The following ZNF548 variants were observed in gnomAD, a reference collection of about 807,000 sequenced individuals.
ZNF548 encodes the protein zinc finger protein 548.
Under a neutral mutation model 10.2 loss-of-function variants are expected in ZNF548, and 10 were observed. The ratio of observed to expected loss-of-function variants is 0.98; its 90% CI spans 0.60 to 1.66. ZNF548 has a LOEUF of 1.66. Among genes scored for constraint, ZNF548 ranks in the 40% most tolerant of loss-of-function variants. The pLI is 0.00. For missense variants in ZNF548, 599 were observed against 657.0 expected, an observed-to-expected ratio of 0.91 and a Z score of 0.97; for synonymous variants, 217 against 223.5, an observed-to-expected ratio of 0.97 and a Z score of 0.26.
intron 2 of ZNF548, 200 bp from the exon 3 acceptor site, chr19:57,396,848 C>A: frequency 2.9e-6 from 2 of 692,146 alleles, no homozygotes; most frequent in Non-Finnish European, 2.3e-6. Context: ...AGTACCTGGC[C>A]CTGGGTTGAT....
intron 2 of ZNF548, 117 bp downstream of exon 2, chr19:57,394,340 C>A: frequency 9.8e-7 from 1 of 1,024,918 alleles, no homozygotes; most frequent in Non-Finnish European, 1.4e-6. Flanking sequence ...GTGGTTTCAC[C>A]AGTTAGTTTC....
intron 1 of ZNF548, chr19:57,392,698 T>G (rs992217115): frequency 1.1e-5 from 9 of 820,074 alleles, no homozygotes; most frequent in Non-Finnish European, 1.3e-5. Context: ...CTTATGTGTC[T>G]ATTTCTATCC....
Position 57,399,828 on chromosome 19 carries a change from T to C in ZNF548, c.1577T>C (p.Leu526Ser), listed in dbSNP as rs1048195300. The C allele has an allele frequency of 9.9e-6, 16 of 1,613,730 alleles. No homozygotes were observed. Among genetic ancestry groups the C allele is most frequent in the African/African-American group, 8.0e-5 (6 of 75,064 alleles). The part of the protein sequence containing the change: ...LVCSMNVGNS[L>S]AKTPTSLNIR... ...TGCTCCATGAATGTGGGGAATTCTT[T>C]AGCTAAAACTCCAACCTCATTAAAC... Residue 526 changes from leucine (L) to serine (S), a missense_variant, in exon 4 of 4, where the codon TTA becomes TCA. Coordinates refer to ENST00000336128, the MANE Select transcript of ZNF548 (RefSeq NM_001172773.2). The surrounding 1 kb of genome is among the most constrained non-coding windows in gnomAD (Gnocchi z 4.0).
At chr19:57,393,010 G>T (rs866894430) in intron 1 of ZNF548, 4 of 982,830 alleles carry the variant, frequency 4.1e-6, no homozygotes, top group Middle Eastern at 1.1e-3. Context: ...GCACCTGCAG[G>T]CTTGGTTGAC....
chr19:57,396,374 TGCTG>T (rs1477669808), intron 2 of ZNF548, among the ~76,000 whole-genome samples: 2 of 152,306 alleles, frequency 1.3e-5, no homozygotes, highest in Admixed American at 1.3e-4. Flanking sequence ...TTCCTCTGTG[TGCTG>T]GACACGGTGG....
intron 2 of ZNF548, 113 bp downstream of exon 2, chr19:57,394,336 T>C: frequency 8.8e-7 from 1 of 1,138,604 alleles, no homozygotes. Flanking sequence ...GTGAGTGGTT[T>C]CACCAGTTAG....
intron 1 of ZNF548, 112 bp downstream of exon 1, chr19:57,390,226 G>T: frequency 7.8e-7 from 1 of 1,289,948 alleles, no homozygotes; most frequent in South Asian, 1.5e-5. Context: ...GCGTTCCTGT[G>T]TGGGGTCCCC....
Position 57,396,007 on chromosome 19 carries a change from A to G in ZNF548, c.52-1041A>G, listed in dbSNP as rs375218238. On this transcript the variant is annotated intron_variant, in intron 2 of 3. Coordinates refer to ENST00000336128, the MANE Select transcript of ZNF548 (RefSeq NM_001172773.2). ...TTGGTGTTCTGGGGCAGGACTGGGA[A>G]TGAATTGGATGCTGAGCGTATTTGC... Among the ~76,000 whole-genome samples, 33 of 152,072 alleles carry G rather than the reference A, an allele frequency of 2.2e-4. No individual in the cohort carries two copies. The East Asian group carries it at 4.3e-3, about 20-fold the overall frequency.
chr19:57,390,712 C>G (rs969226375), intron 1 of ZNF548: 1 of 152,184 alleles, frequency 6.6e-6, no homozygotes, highest in Non-Finnish European at 1.5e-5. Context: ...TCTGTTTGAA[C>G]GTTTGGAAGA....
rs2088717063 is a variant in ZNF548 at position 57,401,580 on chromosome 19, C to A, written c.*1691C>A. On this transcript the variant is annotated 3_prime_UTR_variant, in exon 4 of 4. Coordinates refer to ENST00000336128, the MANE Select transcript of ZNF548 (RefSeq NM_001172773.2). ...TCCTGGAATCAGTCCCCCACAGACA[C>A]CAAGGGATGACTGTAGTGCATTTTA... is the stretch of plus-strand genomic sequence containing the variant. 6.6e-6 allele frequency: 1 copy of A among 151,998 alleles called. No homozygotes were observed. The allele number at this position is 151,998 out of a possible 1,614,324, so 9.4% of individuals were successfully genotyped here. A position where few individuals can be genotyped will look rare whatever the true frequency, so the allele number is the denominator to read the frequency against.
At chr19:57,398,363 T>A in intron 3 of ZNF548, 67 bp from the exon 4 acceptor site, 3 of 1,576,902 alleles carry the variant, frequency 1.9e-6, no homozygotes, top group Non-Finnish European at 2.6e-6. Context: ...CTGACACACA[T>A]TTGTGATGGA....
At chr19:57,391,638 C>T (rs990127262) in intron 1 of ZNF548, among the ~76,000 whole-genome samples, 4 of 152,006 alleles carry the variant, frequency 2.6e-5, no homozygotes, top group African/African-American at 9.7e-5. Context: ...TGTTTTTTGA[C>T]ATTTAAATGA....
intron 1 of ZNF548, among the ~76,000 whole-genome samples, chr19:57,392,096 G>A (rs1291117641): frequency 6.6e-6 from 1 of 152,184 alleles, no homozygotes; most frequent in Non-Finnish European, 1.5e-5. Context: ...ACCGCGCCCA[G>A]CCCTGTGCTT....
At position 57,399,776 on chromosome 19, in the gene ZNF548, A is replaced by C. The variant is rs752520132; in HGVS notation, c.1525A>C (p.Lys509Gln). ...IRKSHLVHHQ[K>Q]IHSEERLVCS... is the part of the protein sequence containing the mutation. ...AAAGTCTCACCTGGTTCATCACCAG[A>C]AAATCCACAGTGAAGAGAGGCTTGT... The change falls in exon 4 of 4, where the codon AAA (lysine) becomes CAA (glutamine). Residue 509 changes from lysine (K) to glutamine (Q), a missense_variant. Transcript: ENST00000336128. The surrounding 1 kb of genome is among the most constrained non-coding windows in gnomAD (Gnocchi z 4.0). 3 of 1,614,150 alleles carry C rather than the reference A, an allele frequency of 1.9e-6. No homozygotes were observed. The highest frequency in any genetic ancestry group is 1.1e-5 in the South Asian group (1 of 91,086).
At position 57,389,911 on chromosome 19, in the gene ZNF548, A is replaced by G. The variant is rs2088609621; in HGVS notation, c.-189A>G. The G allele has an allele frequency of 4.8e-6, 3 of 619,416 alleles. No homozygotes were observed. Among genetic ancestry groups the G allele is most frequent in the East Asian group, 5.9e-5 (2 of 33,962 alleles). The allele number at this position is 619,416 out of a possible 1,614,324, so 38.4% of individuals were successfully genotyped here. A position where few individuals can be genotyped will look rare whatever the true frequency, so the allele number is the denominator to read the frequency against. ...TTTGGTTCTGTGTGGTGTTTCACCAACTTCGGCCTATGGCTCTGTCTGACG... is the reference window on the plus strand; with the variant it reads ...TTTGGTTCTGTGTGGTGTTTCACCAGCTTCGGCCTATGGCTCTGTCTGACG... On this transcript the variant is annotated 5_prime_UTR_variant, in exon 1 of 4. Transcript: ENST00000336128.
Position 57,399,953 on chromosome 19 carries a change from A to T in ZNF548, c.*64A>T. 7.5e-7 allele frequency: 1 copy of T among 1,332,238 alleles called. No homozygotes were observed. Among genetic ancestry groups the T allele is most frequent in the Non-Finnish European group, 1.0e-6 (1 of 995,656 alleles). The allele number at this position is 1,332,238 out of a possible 1,614,324, so 82.5% of individuals were successfully genotyped here. On this transcript the variant is annotated 3_prime_UTR_variant, in exon 4 of 4. Coordinates refer to ENST00000336128, the MANE Select transcript of ZNF548 (RefSeq NM_001172773.2). This position sits in a 1 kb window ranked among gnomAD's most constrained non-coding sequence, Gnocchi z 4.0. ...TTTTTATGCAACTAATCTCCAGAACATTTTTCCTCTTACCAAGAAGTAAAA... is the reference window on the plus strand; with the variant it reads ...TTTTTATGCAACTAATCTCCAGAACTTTTTTCCTCTTACCAAGAAGTAAAA...
chr19:57,399,416 A>C lies in ZNF548; in HGVS notation c.1165A>C (p.Asn389His). 6.2e-7 allele frequency: 1 copy of C among 1,614,200 alleles called. No homozygotes were observed. Among genetic ancestry groups the C allele is most frequent in the Non-Finnish European group, 8.5e-7 (1 of 1,180,036 alleles). The part of the protein sequence containing the change: ...CSVCGELFRY[N>H]SSLVKHWRNH... Reference sequence around the variant, plus strand: ...TGTATGTGGGGAATTGTTTAGGTACAACTCCAGCCTTGTTAAACATTGGAG... The same window carrying C: ...TGTATGTGGGGAATTGTTTAGGTACCACTCCAGCCTTGTTAAACATTGGAG... Residue 389 changes from asparagine to histidine, a missense_variant, in exon 4 of 4, where the codon AAC (asparagine) becomes CAC (histidine). By Grantham distance (68) the Asn-to-His change is moderately conservative (BLOSUM62 1). Coordinates refer to ENST00000336128, the MANE Select transcript of ZNF548 (RefSeq NM_001172773.2). This position sits in a 1 kb window ranked among gnomAD's most constrained non-coding sequence, Gnocchi z 4.0.
intron 3 of ZNF548, among the ~76,000 whole-genome samples, chr19:57,398,016 A>C (rs1404207489): frequency 6.6e-6 from 1 of 152,180 alleles, no homozygotes; most frequent in African/African-American, 2.4e-5. Context: ...AATGCCTGCC[A>C]ACACGTGGCC....
intron 2 of ZNF548, among the ~76,000 whole-genome samples, chr19:57,396,700 G>A (rs780396045): frequency 6.6e-6 from 1 of 152,208 alleles, no homozygotes; most frequent in Non-Finnish European, 1.5e-5. Flanking sequence ...AAATTGGAGT[G>A]AGGGGAAAGT....
Sources: gnomAD v4.1 joint callset for allele counts (sites outside exome capture counted in the v4.1 genomes callset) on GRCh38, gnomAD v4.1.1 for gene constraint, Gnocchi (gnomAD v3.1) non-coding constraint, MANE v1.5 for transcripts, NCBI Gene and HGNC (gene_info 2026-07-23, HGNC 2026-07-21) for gene names.